Variants in CHRM3 observed in about 807,000 individuals in gnomAD.
The protein encoded by CHRM3 is muscarinic acetylcholine receptor M3.
CHRM3 carries 11 observed loss-of-function variants against 41.8 expected under a neutral mutation model. The ratio of observed to expected loss-of-function variants is 0.26; its 90% CI spans 0.17 to 0.44. The LOEUF (loss-of-function observed/expected upper bound fraction) is 0.44, where lower values mean the gene tolerates loss of function less well. Among genes scored for constraint, CHRM3 ranks in the 20% least tolerant of loss-of-function variants. CHRM3 has a pLI of 1.00. For missense variants in CHRM3, 571 were observed against 745.4 expected (o/e 0.77, Z 2.72); for synonymous variants, 297 against 301.4 (o/e 0.99, Z 0.15).
rs554576544 is a variant in CHRM3, at chr1:239,404,493, AT to A, written c.-521+17273del. On this transcript the variant is annotated intron_variant, in intron 1 of 6. Transcript: ENST00000676153. ...AAAAGAAAGAAAGAAAGGAACATTTATTTTTTTCTGAGTTAGATTAATAGCA... is the reference window on the plus strand; with the variant it reads ...AAAAGAAAGAAAGAAAGGAACATTTATTTTTTCTGAGTTAGATTAATAGCA... Among the ~76,000 whole-genome samples, 68 of 149,894 alleles carry A rather than the reference AT, an allele frequency of 4.5e-4. 1 individual carries two copies. The highest frequency in any genetic ancestry group is 1.6e-3 in the African/African-American group (64 of 40,986).
At chr1:239,486,287 G>T (rs1667176530) in intron 1 of CHRM3, among the ~76,000 whole-genome samples, 1 of 152,072 alleles carries the variant, frequency 6.6e-6, no homozygotes, top group African/African-American at 2.4e-5. Context: ...ATTTACTCTG[G>T]CTGTGGTCTG....
At chr1:239,575,917 T>C (rs1330397724) in intron 3 of CHRM3, among the ~76,000 whole-genome samples, 1 of 152,174 alleles carries the variant, frequency 6.6e-6, no homozygotes, top group Non-Finnish European at 1.5e-5. Context: ...TTTCATCTTG[T>C]AGAAATGAAA....
intron 6 of CHRM3, among the ~76,000 whole-genome samples, chr1:239,857,843 C>A (rs1675251746): frequency 6.6e-6 from 1 of 152,120 alleles, no homozygotes; most frequent in African/African-American, 2.4e-5. Flanking sequence ...TACCATAGGT[C>A]TTTAATCATG....
At chr1:239,657,863 A>C (rs1573163725) in intron 4 of CHRM3, among the ~76,000 whole-genome samples, 1 of 152,280 alleles carries the variant, frequency 6.6e-6, no homozygotes, top group East Asian at 1.9e-4. Flanking sequence ...TTATGTAATT[A>C]GTATAACTAC....
At chr1:239,643,712 T>C (rs1039065676) in intron 4 of CHRM3, among the ~76,000 whole-genome samples, 1 of 152,228 alleles carries the variant, frequency 6.6e-6, no homozygotes, top group Non-Finnish European at 1.5e-5. Context: ...CCTGACTCCT[T>C]GCGCTTCCCA....
chr1:239,770,362 AT>A (rs1667563335), intron 5 of CHRM3, among the ~76,000 whole-genome samples: 1 of 152,116 alleles, frequency 6.6e-6, no homozygotes, highest in Non-Finnish European at 1.5e-5. Flanking sequence ...TGGTAAATTT[AT>A]TTTTTGGCAA....
chr1:239,612,553 G>A (rs1039351885), intron 3 of CHRM3, among the ~76,000 whole-genome samples: 3 of 152,152 alleles, frequency 2.0e-5, no homozygotes, highest in Non-Finnish European at 4.4e-5. Context: ...TGTTCTCACT[G>A]CTTGCCAACC....
chr1:239,724,430 T>A (rs886978472), intron 5 of CHRM3, among the ~76,000 whole-genome samples: 10 of 151,970 alleles, frequency 6.6e-5, no homozygotes, highest in Non-Finnish European at 1.3e-4. Context: ...GTTTTAGAAT[T>A]ATGAGTTAAT....
intron 6 of CHRM3, among the ~76,000 whole-genome samples, chr1:239,849,782 G>A (rs1674555326): frequency 6.6e-6 from 1 of 152,056 alleles, no homozygotes; most frequent in Admixed American, 6.6e-5. Flanking sequence ...GCCTCATAAG[G>A]TATTTGCAAA....
At chr1:239,785,786 G>A (rs1376582645) in intron 5 of CHRM3, among the ~76,000 whole-genome samples, 1 of 152,160 alleles carries the variant, frequency 6.6e-6, no homozygotes, top group African/African-American at 2.4e-5. Flanking sequence ...GGAAGCAGCT[G>A]CCACTAATAG....
At chr1:239,752,724 CAGAT>C (rs535803526) in intron 5 of CHRM3, among the ~76,000 whole-genome samples, 23 of 152,042 alleles carry the variant, frequency 1.5e-4, no homozygotes, top group Non-Finnish European at 2.1e-4. Context: ...ATTTAAAAAA[CAGAT>C]AGAATAGTTT....
At chr1:239,586,149 A>C (rs902291052) in intron 3 of CHRM3, among the ~76,000 whole-genome samples, 1 of 152,200 alleles carries the variant, frequency 6.6e-6, no homozygotes, top group Non-Finnish European at 1.5e-5. Flanking sequence ...TCTGTGAATT[A>C]ATGTGCCAAA....
chr1:239,651,537 G>A (rs1672238537), intron 4 of CHRM3, among the ~76,000 whole-genome samples: 1 of 152,174 alleles, frequency 6.6e-6, no homozygotes, highest in Non-Finnish European at 1.5e-5. Context: ...ACAGTGTGCA[G>A]GTTCCTCTGT....
At chr1:239,544,365 C>T (rs926297973) in intron 2 of CHRM3, among the ~76,000 whole-genome samples, 3 of 152,074 alleles carry the variant, frequency 2.0e-5, no homozygotes, top group African/African-American at 7.2e-5. Context: ...ATAGGTAAAA[C>T]GTGGATTTTT....
In CHRM3 at chr1:239,909,308, T is replaced by G; in HGVS notation, c.*84T>G. ...GGAGGAAGGCGAGGGCGGGGTGACT[T>G]CTGGTGATGATAAAAATGGTTTTAT... On this transcript the variant is annotated 3_prime_UTR_variant, in exon 7 of 7. Transcript: ENST00000676153. 2 of 1,399,288 alleles carry G rather than the reference T, an allele frequency of 1.4e-6. No homozygotes were observed. Among genetic ancestry groups the G allele is most frequent in the Non-Finnish European group, 1.9e-6 (2 of 1,033,728 alleles). 86.7% of individuals were successfully genotyped at this position (1,399,288 alleles called of 1,614,324 possible).
At chr1:239,810,051 C>T (rs969390420) in intron 5 of CHRM3, among the ~76,000 whole-genome samples, 4 of 152,056 alleles carry the variant, frequency 2.6e-5, no homozygotes, top group Admixed American at 1.3e-4. Context: ...CAAAGGAGGC[C>T]GCGTATGGAA....
intron 2 of CHRM3, among the ~76,000 whole-genome samples, chr1:239,529,622 A>C (rs1435019372): frequency 1.8e-5 from 2 of 112,138 alleles, no homozygotes; most frequent in South Asian, 2.9e-4. Flanking sequence ...AAAAAAAAAA[A>C]AAAAAAAAAC....
At chr1:239,672,050 G>A (rs1674425183) in intron 4 of CHRM3, among the ~76,000 whole-genome samples, 1 of 151,934 alleles carries the variant, frequency 6.6e-6, no homozygotes, top group African/African-American at 2.4e-5. Flanking sequence ...AAGGCATGTT[G>A]GTAAAGATGA....
intron 5 of CHRM3, among the ~76,000 whole-genome samples, chr1:239,794,444 A>T (rs1669606108): frequency 7.2e-6 from 1 of 139,708 alleles, no homozygotes; most frequent in African/African-American, 2.7e-5. Context: ...GGGTTAGATG[A>T]TTTACTGTAT....
Sources: gnomAD v4.1 joint callset for allele counts (sites outside exome capture counted in the v4.1 genomes callset) on GRCh38, gnomAD v4.1.1 for gene constraint, MANE v1.5 for transcripts, NCBI Gene and HGNC (gene_info 2026-07-23, HGNC 2026-07-21) for gene names.